The following CCSER1 variants were observed in gnomAD, a reference collection of about 807,000 sequenced individuals.
CCSER1 encodes the protein serine-rich coiled-coil domain-containing protein 1.
CCSER1 carries 41 observed loss-of-function variants against 82.0 expected under a neutral mutation model. The observed-to-expected ratio is 0.50, with a 90% CI of 0.39 to 0.65. The LOEUF is 0.65. Ranked by LOEUF, CCSER1 falls within the 30% of genes least tolerant of loss-of-function variation. The pLI, the probability that CCSER1 is intolerant of heterozygous loss-of-function variation, is 0.00. For missense variants in CCSER1, 1,119 were observed against 1,064.2 expected (o/e 1.05, Z -0.72); for synonymous variants, 414 against 383.9 (o/e 1.08, Z -0.92).
intron 6 of CCSER1, among the ~76,000 whole-genome samples, chr4:90,718,458 A>G (rs1262636576): frequency 6.6e-6 from 1 of 152,150 alleles, no homozygotes; most frequent in Non-Finnish European, 1.5e-5. Context: ...AGTAAATATT[A>G]ATAATGAAAA....
rs144988137 is a variant in CCSER1 at position 90,508,603 on chromosome 4, G to A, written c.1724+40249G>A. On this transcript the variant is annotated intron_variant, in intron 5 of 10. Transcript: ENST00000509176. ...CCTCCTATTGAAAATCATTAATTCC[G>A]AGCTTTAGTATAGTGATGAGACATT... Among the ~76,000 whole-genome samples, 50 of 151,978 alleles carry A rather than the reference G, an allele frequency of 3.3e-4. 1 individual carries two copies. In the East Asian group the frequency reaches 9.1e-3, roughly 28 times the overall value.
chr4:90,407,703 G>A (rs369882449), intron 4 of CCSER1, among the ~76,000 whole-genome samples: 13 of 152,188 alleles, frequency 8.5e-5, no homozygotes, highest in Non-Finnish European at 1.3e-4. Context: ...AGCTCCCAGC[G>A]TGAGCGACGC....
At chr4:90,293,134 A>T (rs371117363) in intron 1 of CCSER1, among the ~76,000 whole-genome samples, 2 of 151,888 alleles carry the variant, frequency 1.3e-5, no homozygotes, top group African/African-American at 4.8e-5. Context: ...TACATCTTTT[A>T]CACTAATATG....
chr4:90,319,321 C>G (rs1736707016), intron 3 of CCSER1, among the ~76,000 whole-genome samples: 1 of 152,146 alleles, frequency 6.6e-6, no homozygotes, highest in Non-Finnish European at 1.5e-5. Flanking sequence ...CTTCACACTT[C>G]TGTTTCACGG....
At chr4:90,344,623 A>G (rs1202549854) in intron 3 of CCSER1, among the ~76,000 whole-genome samples, 1 of 152,116 alleles carries the variant, frequency 6.6e-6, no homozygotes, top group Non-Finnish European at 1.5e-5. Context: ...AAAGATCCAG[A>G]TGCTCCTTGA....
At chr4:90,613,783 A>G (rs1194590461) in intron 5 of CCSER1, among the ~76,000 whole-genome samples, 2 of 152,184 alleles carry the variant, frequency 1.3e-5, no homozygotes, top group Admixed American at 6.5e-5. Flanking sequence ...TGTGCAGGAA[A>G]AAACAAACAG....
chr4:91,328,993 A>G (rs1746761918), intron 10 of CCSER1, among the ~76,000 whole-genome samples: 1 of 152,002 alleles, frequency 6.6e-6, no homozygotes, highest in Non-Finnish European at 1.5e-5. Context: ...TTTGCTCCTC[A>G]TTTGCCTTCT....
intron 9 of CCSER1, among the ~76,000 whole-genome samples, chr4:91,009,285 G>A (rs887832513): frequency 1.3e-5 from 2 of 152,166 alleles, no homozygotes; most frequent in Non-Finnish European, 2.9e-5. Context: ...TTGCTGGCTC[G>A]AATGCCTAGG....
chr4:90,782,076 T>C, intron 7 of CCSER1: 1 of 564,408 alleles, frequency 1.8e-6, no homozygotes, highest in Non-Finnish European at 2.2e-6. Flanking sequence ...TTCTTGAGTA[T>C]TCAAGGATTA....
chr4:91,371,272 A>G (rs1205962807), intron 10 of CCSER1, among the ~76,000 whole-genome samples: 11 of 151,676 alleles, frequency 7.3e-5, no homozygotes, highest in African/African-American at 1.7e-4. Context: ...GTACATCCCC[A>G]CTTACCGTGC....
At chr4:90,733,365 AT>A (rs1479407741) in intron 7 of CCSER1, among the ~76,000 whole-genome samples, 1 of 152,074 alleles carries the variant, frequency 6.6e-6, no homozygotes, top group Non-Finnish European at 1.5e-5. Context: ...TGTTTTGGCC[AT>A]TTTTAAATTG....
chr4:91,500,560 G>C (rs1039200191), intron 10 of CCSER1, among the ~76,000 whole-genome samples: 3 of 151,656 alleles, frequency 2.0e-5, no homozygotes, highest in African/African-American at 4.8e-5. Context: ...GTCAATTTTT[G>C]TGAATGTTTC....
chr4:91,307,482 CTGTAAGCAAAT>C (rs1273362671), intron 10 of CCSER1, among the ~76,000 whole-genome samples: 2 of 151,932 alleles, frequency 1.3e-5, no homozygotes, highest in Admixed American at 6.6e-5. Context: ...ATTTTTACAA[CTGTAAGCAAAT>C]TGTAAGCAAG....
At chr4:91,577,767 A>C (rs2110302491) in intron 10 of CCSER1, among the ~76,000 whole-genome samples, 1 of 152,190 alleles carries the variant, frequency 6.6e-6, no homozygotes, top group Non-Finnish European at 1.5e-5. Flanking sequence ...TATTGGTTTC[A>C]ATCGTTGTGT....
intron 9 of CCSER1, among the ~76,000 whole-genome samples, chr4:90,937,480 A>AACACAC (rs148799317): frequency 0.3 from 43,776 of 145,956 alleles, 6,569 homozygotes; most frequent in East Asian, 0.49. Context: ...TCTAATTTGA[A>AACACAC]ACACACACAC....
chr4:90,527,106 A>C (rs1773870763), intron 5 of CCSER1, among the ~76,000 whole-genome samples: 1 of 152,346 alleles, frequency 6.6e-6, no homozygotes, highest in South Asian at 2.1e-4. Flanking sequence ...ATGGGATCTA[A>C]TTAAACTAAA....
intron 1 of CCSER1, among the ~76,000 whole-genome samples, chr4:90,259,072 A>T (rs1203218560): frequency 6.6e-6 from 1 of 152,198 alleles, no homozygotes; most frequent in Non-Finnish European, 1.5e-5. Flanking sequence ...TGCTTCAGGC[A>T]GTATGGTCAT....
intron 10 of CCSER1, among the ~76,000 whole-genome samples, chr4:91,379,792 T>C (rs2149335521): frequency 6.6e-6 from 1 of 152,334 alleles, no homozygotes; most frequent in South Asian, 2.1e-4. Context: ...TCTGCTAGAT[T>C]TTGAATGTGT....
At chr4:91,377,820 T>TA (rs1750548362) in intron 10 of CCSER1, among the ~76,000 whole-genome samples, 1 of 152,224 alleles carries the variant, frequency 6.6e-6, no homozygotes, top group African/African-American at 2.4e-5. Context: ...ATGAAGTCCT[T>TA]GCCCATGCCT....
Sources: allele counts gnomAD v4.1 joint callset (sites outside exome capture counted in the v4.1 genomes callset), GRCh38; gene constraint gnomAD v4.1.1; transcripts MANE v1.5; gene names NCBI Gene and HGNC (gene_info 2026-07-23, HGNC 2026-07-21).